SIM1: variants seen among roughly 807,000 people sequenced by gnomAD.
SIM1 encodes the protein single-minded homolog 1.
In SIM1, 18 loss-of-function variants were observed where a neutral mutation model predicts 78.2. The observed-to-expected ratio is 0.23, with a 90% CI of 0.16 to 0.34. The LOEUF is 0.34. SIM1 is among the 10% of genes least tolerant of loss of function. The probability of loss-of-function intolerance (pLI) is 1.00; values close to 1 mark genes in which losing one functional copy is unlikely to be tolerated. For missense variants in SIM1, 939 were observed against 975.1 expected (o/e 0.96, Z 0.49); for synonymous variants, 417 against 385.2 (o/e 1.08, Z -0.97).
intron 9 of SIM1, among the ~76,000 whole-genome samples, chr6:100,425,773 C>G (rs1771710203): frequency 6.6e-6 from 1 of 152,188 alleles, no homozygotes; most frequent in African/African-American, 2.4e-5. Context: ...GAGGCACTTT[C>G]TGGTATCACA....
At chr6:100,418,004 T>C (rs1771449242) in intron 10 of SIM1, among the ~76,000 whole-genome samples, 1 of 152,068 alleles carries the variant, frequency 6.6e-6, no homozygotes, top group Non-Finnish European at 1.5e-5. Flanking sequence ...TCAAGATAAA[T>C]CTTATGTGGA....
At chr6:100,415,247 G>A (rs1771368465) in intron 10 of SIM1, among the ~76,000 whole-genome samples, 1 of 152,218 alleles carries the variant, frequency 6.6e-6, no homozygotes, top group African/African-American at 2.4e-5. Context: ...TCCAACTTGT[G>A]TTAATGTAGC....
intron 2 of SIM1, among the ~76,000 whole-genome samples, chr6:100,455,699 C>T (rs1310112832): frequency 1.3e-5 from 2 of 152,130 alleles, no homozygotes; most frequent in Admixed American, 1.3e-4. Context: ...GACGAAGGGC[C>T]GGGGCACTCG....
chr6:100,426,436 T>C (rs1429013964), intron 9 of SIM1, among the ~76,000 whole-genome samples: 1 of 152,174 alleles, frequency 6.6e-6, no homozygotes, highest in Non-Finnish European at 1.5e-5. Flanking sequence ...CCTTAAGCAA[T>C]GCACCGTGAC....
chr6:100,447,479 A>G (rs2114539156), intron 8 of SIM1, 64 bp from the exon 9 acceptor site: 2 of 1,591,802 alleles, frequency 1.3e-6, no homozygotes, highest in East Asian at 2.2e-5. Flanking sequence ...CCCAAATGCA[A>G]TCCCTGGTGG....
rs531935577 is a variant in SIM1, at chr6:100,460,799, C to CTGT, written c.175+2492_175+2494dup. 2.4e-3 allele frequency among the ~76,000 whole-genome samples: 367 copies of CTGT among 152,076 alleles called. 2 individuals are homozygous for CTGT. Among genetic ancestry groups the CTGT allele is most frequent in the Middle Eastern group, 6.8e-3 (2 of 292 alleles). On this transcript the variant is annotated intron_variant, in intron 2 of 11. Coordinates refer to ENST00000369208, the MANE Select transcript of SIM1 (RefSeq NM_005068.3). ...TGTGACTATTTTATTCCTTTGAAAG[C>CTGT]TGTTGTTGTTGTTGTTGTTGTTCTT...
intron 10 of SIM1, among the ~76,000 whole-genome samples, chr6:100,405,691 A>G (rs926875856): frequency 6.6e-5 from 10 of 152,266 alleles, no homozygotes; most frequent in Admixed American, 5.9e-4. Flanking sequence ...TATGCCTCAA[A>G]TGTGGTTTGA....
At chr6:100,442,311 A>G (rs1772239632) in intron 9 of SIM1, among the ~76,000 whole-genome samples, 1 of 152,254 alleles carries the variant, frequency 6.6e-6, no homozygotes, top group South Asian at 2.1e-4. Flanking sequence ...TATGTATTTC[A>G]AAAGAGACTA....
At chr6:100,423,138 G>A (rs1352932879) in intron 9 of SIM1, among the ~76,000 whole-genome samples, 2 of 152,194 alleles carry the variant, frequency 1.3e-5, no homozygotes, top group African/African-American at 2.4e-5. Flanking sequence ...TATAGACTCT[G>A]AGCACTCTGT....
At chr6:100,418,429 A>G (rs1054431069) in intron 10 of SIM1, among the ~76,000 whole-genome samples, 1 of 151,964 alleles carries the variant, frequency 6.6e-6, no homozygotes, top group Non-Finnish European at 1.5e-5. Context: ...CTTTCTACTC[A>G]TCTGTGTTCC....
intron 9 of SIM1, among the ~76,000 whole-genome samples, chr6:100,424,706 A>G (rs1314589106): frequency 1.3e-5 from 2 of 151,940 alleles, no homozygotes; most frequent in African/African-American, 4.8e-5. Context: ...CTCCCAAAGT[A>G]CTGGGATTAC....
rs186554678 is a variant in SIM1 at position 100,453,913 on chromosome 6, C to A, written c.176-69G>T. On this transcript the variant is annotated intron_variant, in intron 2 of 11. Transcript: ENST00000369208. ...TGACAGGCAGTTTGGGACCAAGTCC[C>A]GCGACTGTATTACCCGAGTGCCGGC... 2,641 of 1,215,032 alleles carry A rather than the reference C, an allele frequency of 2.2e-3. 45 individuals carry two copies. The African/African-American group carries it at 0.035, about 16-fold the overall frequency. 75.3% of individuals were successfully genotyped at this position (1,215,032 alleles called of 1,614,324 possible). A position where few individuals can be genotyped will look rare whatever the true frequency, so the allele number is the denominator to read the frequency against.
chr6:100,408,336 A>G (rs924841538), intron 10 of SIM1, among the ~76,000 whole-genome samples: 4 of 151,998 alleles, frequency 2.6e-5, no homozygotes, highest in African/African-American at 4.8e-5. Context: ...CTGTTATTGT[A>G]TGGATTATTA....
chr6:100,402,567 CTTTTTTTTTTTTTTT>C (rs869130841), intron 10 of SIM1, among the ~76,000 whole-genome samples: 2 of 76,336 alleles, frequency 2.6e-5, no homozygotes, highest in African/African-American at 9.2e-5. Flanking sequence ...TTTCTTTTCT[CTTTTTTTTTTTTTTT>C]TTTTTTTTTT....
chr6:100,428,479 A>G (rs927104153), intron 9 of SIM1, among the ~76,000 whole-genome samples: 5 of 152,234 alleles, frequency 3.3e-5, no homozygotes, highest in African/African-American at 1.2e-4. Flanking sequence ...AGCTATATGA[A>G]TTAAAGCAGC....
intron 11 of SIM1, 23 bp from the exon 12 acceptor site, chr6:100,391,114 A>G (rs1304938528): frequency 2.6e-6 from 4 of 1,552,146 alleles, no homozygotes; most frequent in Non-Finnish European, 3.5e-6. Context: ...AAAAGTCAAA[A>G]GTAAGTGATC....
chr6:100,444,645 C>A (rs1414799702), intron 9 of SIM1, among the ~76,000 whole-genome samples: 1 of 152,112 alleles, frequency 6.6e-6, no homozygotes, highest in African/African-American at 2.4e-5. Context: ...ATACCACCTG[C>A]CTCTAAAATC....
At position 100,390,743 on chromosome 6, in the gene SIM1, A is replaced by G. The variant is rs372526934; in HGVS notation, c.1919T>C (p.Met640Thr). ...CDHIQQREGK[M>T]LSPHENDYDN... Reference sequence around the variant, plus strand: ...ATAGTCATTTTCATGGGGGCTCAACATTTTTCCCTCTCTCTGCTGGATATG... The same window carrying G: ...ATAGTCATTTTCATGGGGGCTCAACGTTTTTCCCTCTCTCTGCTGGATATG... Residue 640 changes from methionine to threonine, a missense_variant, in exon 12 of 12, where the codon ATG becomes ACG. By Grantham distance (81) the Met-to-Thr change is moderately conservative. Transcript: ENST00000369208. 16 of 1,613,950 alleles carry G rather than the reference A, an allele frequency of 9.9e-6. No individual in the cohort carries two copies. In the African/African-American group the frequency reaches 2.1e-4, roughly 22 times the overall value.
Position 100,387,395 on chromosome 6 carries a change from A to T in SIM1, c.*2966T>A, listed in dbSNP as rs917574597. 4 of 152,086 alleles carry T rather than the reference A, an allele frequency of 2.6e-5. No homozygotes were observed. The highest frequency in any genetic ancestry group is 9.7e-5 in the African/African-American group (4 of 41,438). 9.4% of individuals were successfully genotyped at this position (152,086 alleles called of 1,614,324 possible). ...CAGATGACATCTTCATTATGAGGAA[A>T]TATGTTGCTGCACAGAACAAAATAA... On this transcript the variant is annotated 3_prime_UTR_variant, in exon 12 of 12. Coordinates refer to ENST00000369208, the MANE Select transcript of SIM1 (RefSeq NM_005068.3).
Sources: gnomAD v4.1 joint callset for allele counts (sites outside exome capture counted in the v4.1 genomes callset) on GRCh38, gnomAD v4.1.1 for gene constraint, MANE v1.5 for transcripts, NCBI Gene and HGNC (gene_info 2026-07-23, HGNC 2026-07-21) for gene names.